Variants in VAPA observed in about 807,000 individuals in gnomAD.
VAPA encodes the protein VAMP associated protein A, also known as vesicle-associated membrane protein-associated protein A.
Under a neutral mutation model 25.6 loss-of-function variants are expected in VAPA, and 6 were observed. The ratio of observed to expected loss-of-function variants is 0.23; its 90% CI spans 0.13 to 0.46. VAPA has a LOEUF of 0.46. VAPA is among the 20% of genes least tolerant of loss of function. VAPA has a pLI of 0.99. For missense variants in VAPA, 244 were observed against 302.1 expected (o/e 0.81, Z 1.43); for synonymous variants, 112 against 106.2 (o/e 1.05, Z -0.34).
At chr18:9,953,238 C>G (rs2069508584) in intron 5 of VAPA, among the ~76,000 whole-genome samples, 1 of 152,240 alleles carries the variant, frequency 6.6e-6, no homozygotes, top group African/African-American at 2.4e-5. Context: ...GCAGCCTACT[C>G]TTGACTGGAG....
rs556327273 is a variant in VAPA, at chr18:9,957,607, G to C, written c.*3396G>C. 9 of 152,192 alleles carry C rather than the reference G, an allele frequency of 5.9e-5. No homozygotes were observed. The East Asian group carries it at 1.7e-3, about 29-fold the overall frequency. The allele number at this position is 152,192 out of a possible 1,614,324, so 9.4% of individuals were successfully genotyped here. A position where few individuals can be genotyped will look rare whatever the true frequency, so the allele number is the denominator to read the frequency against. ...AAGGATCAATGCTTATTACCATTTGGAAAAACGAAGATCAGAAGGTAAATG... is the reference window on the plus strand; with the variant it reads ...AAGGATCAATGCTTATTACCATTTGCAAAAACGAAGATCAGAAGGTAAATG... On this transcript the variant is annotated 3_prime_UTR_variant, in exon 6 of 6. Transcript: ENST00000400000.
intron 4 of VAPA, chr18:9,948,766 T>C (rs551093031): frequency 6.5e-6 from 1 of 152,876 alleles, no homozygotes; most frequent in African/African-American, 2.4e-5. Context: ...GGTCTCCCTC[T>C]GTTGCTCAGG....
chr18:9,933,720 T>C (rs1260169198), intron 2 of VAPA, among the ~76,000 whole-genome samples: 1 of 152,136 alleles, frequency 6.6e-6, no homozygotes, highest in Non-Finnish European at 1.5e-5. Context: ...GTATTTTTAG[T>C]AGAGGCAGGG....
intron 4 of VAPA, among the ~76,000 whole-genome samples, chr18:9,941,623 A>G (rs2069367250): frequency 6.6e-6 from 1 of 152,142 alleles, no homozygotes; most frequent in Non-Finnish European, 1.5e-5. Flanking sequence ...AGTATCTTTG[A>G]CATGTTGGTT....
At chr18:9,920,204 G>T (rs745351877) in intron 1 of VAPA, among the ~76,000 whole-genome samples, 30 of 152,182 alleles carry the variant, frequency 2.0e-4, no homozygotes, top group Non-Finnish European at 4.4e-4. Context: ...GGTTAAATGG[G>T]TGTGTTACTT....
At chr18:9,926,946 TA>T (rs1327291897) in intron 1 of VAPA, among the ~76,000 whole-genome samples, 8 of 152,132 alleles carry the variant, frequency 5.3e-5, no homozygotes, top group African/African-American at 1.9e-4. Context: ...GTAACTAGCC[TA>T]AATGGGGGTC....
chr18:9,917,224 T>G (rs925138204), intron 1 of VAPA, among the ~76,000 whole-genome samples: 4 of 152,264 alleles, frequency 2.6e-5, no homozygotes, highest in African/African-American at 9.6e-5. Flanking sequence ...AGATTTTTTT[T>G]GTCTTTAAAA....
chr18:9,937,719 AGAGAGAC>A (rs1448013417), intron 4 of VAPA, among the ~76,000 whole-genome samples: 1 of 152,124 alleles, frequency 6.6e-6, no homozygotes, highest in East Asian at 1.9e-4. Flanking sequence ...TCCTATGGTG[AGAGAGAC>A]TTGAAAGATA....
At chr18:9,941,693 A>G (rs574631656) in intron 4 of VAPA, among the ~76,000 whole-genome samples, 1 of 152,300 alleles carries the variant, frequency 6.6e-6, no homozygotes, top group Admixed American at 6.5e-5. Context: ...GTTTAGCATG[A>G]AATTTGGCTC....
At chr18:9,933,099 A>C (rs1268605155) in intron 2 of VAPA, among the ~76,000 whole-genome samples, 1 of 151,998 alleles carries the variant, frequency 6.6e-6, no homozygotes, top group Non-Finnish European at 1.5e-5. Flanking sequence ...AACAAACAAA[A>C]AAAGTGTACC....
In VAPA at chr18:9,954,199, A is replaced by G. The variant is rs189228333; in HGVS notation, c.738A>G (p.Lys246=). ...AAIFIGFFLG[K]FIL is the part of the protein sequence containing the mutation. ...TTTTCATTGGATTCTTTCTAGGGAA[A>G]TTCATCTTGTAGAGTGAAGCATGCA... Residue 246 remains lysine (K), a synonymous_variant, in exon 6 of 6, where the codon AAA becomes AAG. Transcript: ENST00000400000. 1.4e-5 allele frequency: 22 copies of G among 1,611,102 alleles called. No individual in the cohort carries two copies. In the Admixed American group the frequency reaches 2.5e-4, roughly 18 times the overall value.
chr18:9,950,119 T>C (rs1254348387), intron 4 of VAPA: 3 of 319,934 alleles, frequency 9.4e-6, no homozygotes, highest in Non-Finnish European at 5.8e-6. Context: ...GAGAGATGGC[T>C]CTTGCTCTCT....
In VAPA at chr18:9,914,232, G is replaced by C; in HGVS notation, c.-25G>C. 6.4e-7 allele frequency: 1 copy of C among 1,565,590 alleles called. No homozygotes were observed. Among genetic ancestry groups the C allele is most frequent in the Non-Finnish European group, 8.6e-7 (1 of 1,158,248 alleles). The stretch of plus-strand genomic sequence containing the variant: ...GTCAGCAAACCGCCGCCGCGGGCGC[G>C]CCCCCGCTCTGCGCTGTCTCTCCGA... On this transcript the variant is annotated 5_prime_UTR_variant, in exon 1 of 6. Coordinates refer to ENST00000400000, the MANE Select transcript of VAPA (RefSeq NM_194434.3).
At chr18:9,951,379 A>G (rs78033477) in intron 5 of VAPA, 1 of 152,280 alleles carries the variant, frequency 6.6e-6, no homozygotes, top group Non-Finnish European at 1.5e-5. Flanking sequence ...TCGATTTGTC[A>G]TGTCTGCTTT....
chr18:9,919,511 T>C (rs887775054), intron 1 of VAPA, among the ~76,000 whole-genome samples: 3 of 152,216 alleles, frequency 2.0e-5, no homozygotes, highest in Non-Finnish European at 4.4e-5. Context: ...CCTGAAGAGC[T>C]ATATAGTGCT....
chr18:9,919,598 C>G (rs181831238), intron 1 of VAPA, among the ~76,000 whole-genome samples: 3 of 152,252 alleles, frequency 2.0e-5, no homozygotes, highest in Admixed American at 2.0e-4. Flanking sequence ...AAAAGTTATC[C>G]TGGTGAAGAA....
At chr18:9,940,454 C>T (rs1439831608) in intron 4 of VAPA, among the ~76,000 whole-genome samples, 1 of 152,096 alleles carries the variant, frequency 6.6e-6, no homozygotes, top group African/African-American at 2.4e-5. Flanking sequence ...ACTTTCTGTT[C>T]ATTTTTTTGA....
At chr18:9,914,553 C>T (rs892803302) in intron 1 of VAPA, 14 of 239,392 alleles carry the variant, frequency 5.8e-5, no homozygotes, top group Non-Finnish European at 1.0e-4. Flanking sequence ...GCCCTCGCTG[C>T]GGTGCGCGCG....
chr18:9,939,244 T>A (rs901602532), intron 4 of VAPA, among the ~76,000 whole-genome samples: 2 of 151,518 alleles, frequency 1.3e-5, no homozygotes, highest in African/African-American at 2.4e-5. Context: ...CGATCTTGGC[T>A]CACTGCAACC....
Sources: gnomAD v4.1 joint callset for allele counts (sites outside exome capture counted in the v4.1 genomes callset) on GRCh38, gnomAD v4.1.1 for gene constraint, MANE v1.5 for transcripts, NCBI Gene and HGNC (gene_info 2026-07-23, HGNC 2026-07-21) for gene names.